Variants in NUDCD1 observed in about 807,000 individuals in gnomAD.
NUDCD1 encodes nudC domain-containing protein 1.
Under a neutral mutation model 67.8 loss-of-function variants are expected in NUDCD1, and 60 were observed. The ratio of observed to expected loss-of-function variants is 0.88; its 90% CI spans 0.72 to 1.10. The LOEUF (loss-of-function observed/expected upper bound fraction) is 1.10. Ranked by LOEUF, NUDCD1 falls within the 50% of genes least tolerant of loss-of-function variation. NUDCD1 has a pLI of 0.00. For missense variants in NUDCD1, 643 were observed against 695.0 expected, an observed-to-expected ratio of 0.93 and a Z score of 0.84; for synonymous variants, 244 against 230.8, an observed-to-expected ratio of 1.06 and a Z score of -0.52.
intron 8 of NUDCD1, among the ~76,000 whole-genome samples, chr8:109,269,784 C>T (rs1237711881): frequency 1.3e-5 from 2 of 151,704 alleles, no homozygotes; most frequent in East Asian, 3.9e-4. Flanking sequence ...CTTCTGGTTT[C>T]AGTAATAACA....
intron 2 of NUDCD1, chr8:109,315,088 T>A (rs1488053022): frequency 3.9e-5 from 6 of 152,302 alleles, no homozygotes; most frequent in East Asian, 3.9e-4. Context: ...TTAATAACCA[T>A]TAACTTTATT....
At chr8:109,260,585 C>T (rs2080628127) in intron 8 of NUDCD1, among the ~76,000 whole-genome samples, 1 of 152,190 alleles carries the variant, frequency 6.6e-6, no homozygotes, top group Non-Finnish European at 1.5e-5. Flanking sequence ...AAATCAAATG[C>T]AATATGAGCC....
At chr8:109,279,515 T>C (rs796267527) in intron 6 of NUDCD1, among the ~76,000 whole-genome samples, 24 of 152,354 alleles carry the variant, frequency 1.6e-4, no homozygotes, top group African/African-American at 5.3e-4. Flanking sequence ...ATGAATACTG[T>C]GAATATTTTT....
chr8:109,291,528 T>C (rs1167454783), intron 4 of NUDCD1, among the ~76,000 whole-genome samples: 2 of 152,178 alleles, frequency 1.3e-5, no homozygotes, highest in Non-Finnish European at 2.9e-5. Flanking sequence ...TTTTCAAACT[T>C]ATCTGACCAT....
chr8:109,257,999 T>C (rs543112331), intron 8 of NUDCD1, among the ~76,000 whole-genome samples: 10 of 152,194 alleles, frequency 6.6e-5, no homozygotes, highest in East Asian at 1.9e-4. Flanking sequence ...TTTTGAAAAA[T>C]AGATGTTAAT....
In NUDCD1 at chr8:109,317,645, C is replaced by T. The variant is rs368168848; in HGVS notation, c.273+4664G>A. 7.9e-5 allele frequency among the ~76,000 whole-genome samples: 12 copies of T among 152,210 alleles called. No individual in the cohort carries two copies. In the East Asian group the frequency reaches 1.5e-3, roughly 20 times the overall value. ...ATAATCTCTATGCAATAAAAGTTAC[C>T]TGACATTATGATTTATTCTTATCAT... On this transcript the variant is annotated intron_variant, in intron 2 of 9. Coordinates refer to ENST00000239690, the MANE Select transcript of NUDCD1 (RefSeq NM_032869.4).
At chr8:109,333,478 C>G (rs1815864597) in intron 1 of NUDCD1, among the ~76,000 whole-genome samples, 1 of 152,176 alleles carries the variant, frequency 6.6e-6, no homozygotes, top group South Asian at 2.1e-4. Context: ...TCAGAGGAAA[C>G]AGGAACTGGG....
chr8:109,242,363 G>C lies in NUDCD1; in HGVS notation c.*646C>G, dbSNP rs970529008. On this transcript the variant is annotated 3_prime_UTR_variant, in exon 10 of 10. Coordinates refer to ENST00000239690, the MANE Select transcript of NUDCD1 (RefSeq NM_032869.4). Reference sequence around the variant, plus strand: ...ATCGTGAAAAATAATAAAAGTCCTTGTTTTAAACCACTGAGTTTTGGTGTG... The same window carrying C: ...ATCGTGAAAAATAATAAAAGTCCTTCTTTTAAACCACTGAGTTTTGGTGTG... 2.6e-6 allele frequency: 1 copy of C among 378,898 alleles called. No homozygotes were observed. The highest frequency in any genetic ancestry group is 4.7e-6 in the Non-Finnish European group (1 of 214,144). The allele number at this position is 378,898 out of a possible 1,614,324, so 23.5% of individuals were successfully genotyped here.
chr8:109,316,897 A>T (rs1482005258), intron 2 of NUDCD1, among the ~76,000 whole-genome samples: 2 of 152,208 alleles, frequency 1.3e-5, no homozygotes, highest in African/African-American at 4.8e-5. Flanking sequence ...TCCAAGGTAC[A>T]ATATGGTCTG....
chr8:109,254,374 A>G (rs892555899), intron 8 of NUDCD1, among the ~76,000 whole-genome samples: 2 of 152,200 alleles, frequency 1.3e-5, no homozygotes, highest in Non-Finnish European at 2.9e-5. Context: ...CATTTTAGTA[A>G]GATTCCAAGG....
Position 109,289,824 on chromosome 8 carries a change from C to G in NUDCD1, c.750G>C (p.Lys250Asn). 6.4e-7 allele frequency: 1 copy of G among 1,563,986 alleles called. No individual in the cohort carries two copies. Among genetic ancestry groups the G allele is most frequent in the Non-Finnish European group, 8.7e-7 (1 of 1,146,802 alleles). ...DGNGLMIVSYKSLTFVQAGQD... is the reference protein window; with the variant it reads ...DGNGLMIVSYNSLTFVQAGQD... ...GACCAGCCTGAACAAATGTTAAAGACTTGTAGGATACAATCATTAGACCAT... is the reference window on the plus strand; with the variant it reads ...GACCAGCCTGAACAAATGTTAAAGAGTTGTAGGATACAATCATTAGACCAT... Residue 250 changes from lysine (K) to asparagine (N), a missense_variant, in exon 5 of 10, where the codon AAG becomes AAC. Physicochemically the swap from Lys to Asn is moderately conservative, Grantham distance 94 (BLOSUM62 0). Transcript: ENST00000239690.
intron 7 of NUDCD1, among the ~76,000 whole-genome samples, chr8:109,274,653 TTCTA>T (rs1372966545): frequency 1.3e-5 from 2 of 152,156 alleles, no homozygotes; most frequent in African/African-American, 4.8e-5. Flanking sequence ...AGTCCTTCTT[TTCTA>T]TCTTAGGATG....
intron 8 of NUDCD1, among the ~76,000 whole-genome samples, chr8:109,270,078 G>GA (rs1423360799): frequency 1.2e-5 from 1 of 82,682 alleles, no homozygotes; most frequent in Non-Finnish European, 2.5e-5. Flanking sequence ...GGGGGGGGGG[G>GA]GGGGTGCCTT....
intron 8 of NUDCD1, among the ~76,000 whole-genome samples, chr8:109,262,350 T>C (rs921433699): frequency 1.3e-5 from 2 of 152,174 alleles, no homozygotes; most frequent in Admixed American, 1.3e-4. Flanking sequence ...TGGTCACCTA[T>C]TGTGTTCTCA....
chr8:109,280,204 A>G (rs959841131), intron 6 of NUDCD1, among the ~76,000 whole-genome samples: 3 of 152,230 alleles, frequency 2.0e-5, no homozygotes, highest in African/African-American at 7.2e-5. Flanking sequence ...GTGATGTCAT[A>G]AAAGAGAATT....
intron 7 of NUDCD1, among the ~76,000 whole-genome samples, chr8:109,271,907 A>C (rs1814166016): frequency 6.6e-6 from 1 of 152,136 alleles, no homozygotes; most frequent in African/African-American, 2.4e-5. Context: ...AGAAAAAAAC[A>C]AAAACAAAAA....
chr8:109,255,888 C>G (rs1024005877), intron 8 of NUDCD1, among the ~76,000 whole-genome samples: 2 of 152,068 alleles, frequency 1.3e-5, no homozygotes, highest in Admixed American at 6.6e-5. Flanking sequence ...GTTTGAAGAA[C>G]AGCATAATGG....
At chr8:109,252,090 A>T (rs1287595063) in intron 8 of NUDCD1, among the ~76,000 whole-genome samples, 1 of 152,072 alleles carries the variant, frequency 6.6e-6, no homozygotes, top group East Asian at 1.9e-4. Context: ...TTCACCTCAG[A>T]GTCTATGCTC....
At chr8:109,288,669 G>A (rs951833979) in intron 5 of NUDCD1, among the ~76,000 whole-genome samples, 2 of 152,092 alleles carry the variant, frequency 1.3e-5, no homozygotes, top group Non-Finnish European at 2.9e-5. Flanking sequence ...AACCTAGGTT[G>A]CTCTGCTTAT....
Sources: allele counts gnomAD v4.1 joint callset (sites outside exome capture counted in the v4.1 genomes callset), GRCh38; gene constraint gnomAD v4.1.1; transcripts MANE v1.5; gene names NCBI Gene and HGNC (gene_info 2026-07-23, HGNC 2026-07-21).